RSPO3: variants seen among roughly 807,000 people sequenced by gnomAD.
RSPO3 encodes the protein R-spondin-3.
In RSPO3, 17 loss-of-function variants were observed where a neutral mutation model predicts 36.5. The ratio of observed to expected loss-of-function variants is 0.47; its 90% CI spans 0.32 to 0.70. The LOEUF (loss-of-function observed/expected upper bound fraction) is 0.70. Among genes scored for constraint, RSPO3 ranks in the 30% least tolerant of loss-of-function variants. RSPO3 has a pLI of 0.04. For synonymous variants in RSPO3, 108 were observed against 107.0 expected (o/e 1.01, Z -0.06); for missense variants, 294 against 322.5 (o/e 0.91, Z 0.68).
chr6:127,182,438 C>T (rs1775208337), intron 4 of RSPO3, among the ~76,000 whole-genome samples: 1 of 151,834 alleles, frequency 6.6e-6, no homozygotes, highest in Non-Finnish European at 1.5e-5. Flanking sequence ...TTCATCTGGC[C>T]TTCTTTTTTC....
intron 4 of RSPO3, among the ~76,000 whole-genome samples, chr6:127,180,835 C>T (rs964519680): frequency 2.6e-5 from 4 of 151,622 alleles, no homozygotes; most frequent in African/African-American, 9.7e-5. Context: ...TTTTCATTTT[C>T]AACTACTTAT....
intron 2 of RSPO3, among the ~76,000 whole-genome samples, chr6:127,149,098 AT>A (rs1774441421): frequency 6.6e-6 from 1 of 152,116 alleles, no homozygotes. Context: ...CATTGAACCT[AT>A]AGAAAAGTAC....
chr6:127,150,402 A>C (rs762700972), intron 2 of RSPO3, 24 bp from the exon 3 acceptor site: 2 of 1,602,202 alleles, frequency 1.2e-6, no homozygotes, highest in Non-Finnish European at 1.7e-6. Context: ...ATGCAAGCAT[A>C]TTTCTTTCTT....
chr6:127,168,387 C>T (rs908221835), intron 4 of RSPO3, among the ~76,000 whole-genome samples: 22 of 133,796 alleles, frequency 1.6e-4, no homozygotes, highest in Non-Finnish European at 2.8e-4. Flanking sequence ...TGTCTGTTGG[C>T]GCATAAATGT....
intron 4 of RSPO3, among the ~76,000 whole-genome samples, chr6:127,185,623 A>C (rs956704952): frequency 2.0e-5 from 3 of 152,106 alleles, no homozygotes; most frequent in Non-Finnish European, 4.4e-5. Context: ...GACACATGAT[A>C]CGTGGAGCAG....
intron 3 of RSPO3, among the ~76,000 whole-genome samples, chr6:127,153,543 T>C (rs1774532265): frequency 6.6e-6 from 1 of 152,132 alleles, no homozygotes; most frequent in African/African-American, 2.4e-5. Flanking sequence ...GTCCGTAGAA[T>C]TTAATTTATA....
At chr6:127,182,064 AAG>A (rs1400956497) in intron 4 of RSPO3, among the ~76,000 whole-genome samples, 6 of 151,836 alleles carry the variant, frequency 4.0e-5, no homozygotes, top group Admixed American at 3.9e-4. Flanking sequence ...TAGAGAAGAA[AAG>A]AGAGAGTGTG....
At position 127,198,955 on chromosome 6, in the gene RSPO3, A is replaced by T. The variant is rs960998644; in HGVS notation, c.*2948A>T. On this transcript the variant is annotated 3_prime_UTR_variant, in exon 5 of 5. Coordinates refer to ENST00000356698, the MANE Select transcript of RSPO3 (RefSeq NM_032784.5). Reference sequence around the variant, plus strand: ...GATTTAACTCTGCTTCTCTAATGTTATTGAATTAAAAGCTGTTCACATTAG... The same window carrying T: ...GATTTAACTCTGCTTCTCTAATGTTTTTGAATTAAAAGCTGTTCACATTAG... Among the ~76,000 whole-genome samples, 4 of 152,172 alleles carry T rather than the reference A, an allele frequency of 2.6e-5. No individual in the cohort carries two copies. Among genetic ancestry groups the T allele is most frequent in the Non-Finnish European group, 5.9e-5 (4 of 68,046 alleles).
intron 4 of RSPO3, among the ~76,000 whole-genome samples, chr6:127,158,578 AAAG>A (rs1432755208): frequency 2.6e-5 from 4 of 152,272 alleles, no homozygotes; most frequent in South Asian, 4.1e-4. Flanking sequence ...AAATGTACAC[AAAG>A]AAGAAGTTGA....
intron 1 of RSPO3, among the ~76,000 whole-genome samples, chr6:127,139,708 GTTATTA>G (rs1774231611): frequency 6.6e-6 from 1 of 152,008 alleles, no homozygotes; most frequent in Non-Finnish European, 1.5e-5. Context: ...GAAAAACGCT[GTTATTA>G]CCTACTAACT....
At chr6:127,136,841 A>G (rs1562241871) in intron 1 of RSPO3, among the ~76,000 whole-genome samples, 1 of 152,282 alleles carries the variant, frequency 6.6e-6, no homozygotes, top group East Asian at 1.9e-4. Context: ...AGGCATGTAT[A>G]TTAGAGGAAA....
At chr6:127,192,130 A>ATCC (rs1775423667) in intron 4 of RSPO3, among the ~76,000 whole-genome samples, 1 of 152,122 alleles carries the variant, frequency 6.6e-6, no homozygotes, top group East Asian at 1.9e-4. Context: ...GTCTCTCTTC[A>ATCC]TGGAGTTCAA....
intron 4 of RSPO3, among the ~76,000 whole-genome samples, chr6:127,183,313 C>G (rs552524618): frequency 1.3e-5 from 2 of 152,112 alleles, no homozygotes; most frequent in East Asian, 3.9e-4. Context: ...GACTTGGTCC[C>G]AAAGGACCAA....
intron 4 of RSPO3, among the ~76,000 whole-genome samples, chr6:127,189,995 T>C (rs985944063): frequency 1.3e-5 from 2 of 152,176 alleles, no homozygotes; most frequent in Non-Finnish European, 2.9e-5. Context: ...ACAAAAGACA[T>C]TTCTCAATTT....
At chr6:127,153,594 G>A (rs896555614) in intron 3 of RSPO3, among the ~76,000 whole-genome samples, 3 of 151,894 alleles carry the variant, frequency 2.0e-5, no homozygotes, top group African/African-American at 7.3e-5. Context: ...AATTACCTAA[G>A]CTGTAATTTT....
chr6:127,168,073 A>C (rs932178207), intron 4 of RSPO3, among the ~76,000 whole-genome samples: 2 of 152,096 alleles, frequency 1.3e-5, no homozygotes, highest in African/African-American at 4.8e-5. Context: ...ACATGTGAAT[A>C]TGTCTTTATA....
At chr6:127,183,961 T>C (rs1380869130) in intron 4 of RSPO3, among the ~76,000 whole-genome samples, 4 of 151,920 alleles carry the variant, frequency 2.6e-5, no homozygotes, top group Non-Finnish European at 4.4e-5. Flanking sequence ...AAATGCATCC[T>C]TCATATGGCG....
chr6:127,172,994 TTCTG>T (rs1774971996), intron 4 of RSPO3, among the ~76,000 whole-genome samples: 1 of 151,840 alleles, frequency 6.6e-6, no homozygotes, highest in Non-Finnish European at 1.5e-5. Context: ...GATCTTTCCA[TTCTG>T]TCTTTTTCAA....
chr6:127,147,991 G>A (rs1554220814), intron 1 of RSPO3, among the ~76,000 whole-genome samples: 3 of 152,114 alleles, frequency 2.0e-5, no homozygotes, highest in East Asian at 1.9e-4. Flanking sequence ...TTAAGCTCGT[G>A]TGAGAAGAAA....
Sources: allele counts gnomAD v4.1 joint callset (sites outside exome capture counted in the v4.1 genomes callset), GRCh38; gene constraint gnomAD v4.1.1; transcripts MANE v1.5; gene names NCBI Gene and HGNC (gene_info 2026-07-23, HGNC 2026-07-21).